The following CACNB4 variants were observed in gnomAD, a reference collection of about 807,000 sequenced individuals.
The protein encoded by CACNB4 is voltage-dependent L-type calcium channel subunit beta-4.
Under a neutral mutation model 71.2 loss-of-function variants are expected in CACNB4, and 32 were observed. That is an observed-to-expected ratio of 0.45 (90% confidence interval 0.34 to 0.60). The LOEUF is 0.60. Ranked by LOEUF, CACNB4 falls within the 20% of genes least tolerant of loss-of-function variation. The pLI is 0.01. For synonymous variants in CACNB4, 231 were observed against 236.9 expected (o/e 0.97, Z 0.23); for missense variants, 464 against 647.9 (o/e 0.72, Z 3.08).
At chr2:151,900,341 T>G (rs565312458) in intron 2 of CACNB4, among the ~76,000 whole-genome samples, 169 of 152,224 alleles carry the variant, frequency 1.1e-3, no homozygotes, top group Non-Finnish European at 2.1e-3. Context: ...CAGAGGTCAG[T>G]CTGAGGTGAT....
chr2:151,864,420 A>G (rs1015837275), intron 9 of CACNB4, among the ~76,000 whole-genome samples: 2 of 152,206 alleles, frequency 1.3e-5, no homozygotes, highest in Admixed American at 1.3e-4. Flanking sequence ...GAAAGATATT[A>G]CTTTCAGTTA....
At chr2:151,985,147 A>G (rs1490198770) in intron 2 of CACNB4, among the ~76,000 whole-genome samples, 1 of 152,206 alleles carries the variant, frequency 6.6e-6, no homozygotes, top group African/African-American at 2.4e-5. Flanking sequence ...GTAAGAAGAC[A>G]AGAATTAAAA....
chr2:151,943,295 G>T (rs1439592205), intron 2 of CACNB4, among the ~76,000 whole-genome samples: 1 of 152,176 alleles, frequency 6.6e-6, no homozygotes. Context: ...TCCCCCAATA[G>T]TGCTGCTGGT....
intron 2 of CACNB4, among the ~76,000 whole-genome samples, chr2:152,087,663 AT>A (rs1687736873): frequency 6.6e-6 from 1 of 152,040 alleles, no homozygotes; most frequent in Admixed American, 6.6e-5. Flanking sequence ...TGTGAACAAT[AT>A]GTTAATGAAA....
chr2:152,043,054 C>A (rs1684960061), intron 2 of CACNB4, among the ~76,000 whole-genome samples: 1 of 152,142 alleles, frequency 6.6e-6, no homozygotes, highest in African/African-American at 2.4e-5. Flanking sequence ...GGAAGTTACC[C>A]TGTATGGTCT....
intron 2 of CACNB4, among the ~76,000 whole-genome samples, chr2:151,913,144 TG>T (rs1251204150): frequency 2.0e-5 from 3 of 152,352 alleles, no homozygotes; most frequent in Middle Eastern, 3.4e-3. Context: ...GTCTTTTAAT[TG>T]GGGCATTTAG....
chr2:152,010,058 G>C (rs191287683), intron 2 of CACNB4, among the ~76,000 whole-genome samples: 92 of 152,338 alleles, frequency 6.0e-4, no homozygotes, highest in African/African-American at 1.5e-3. Context: ...AGGGAGCTAA[G>C]TTTTATTGGG....
At chr2:151,858,137 G>C (rs1182856574) in intron 10 of CACNB4, 1 of 152,158 alleles carries the variant, frequency 6.6e-6, no homozygotes, top group Non-Finnish European at 1.5e-5. Flanking sequence ...GATTCTCAGA[G>C]GGGTTCCAAA....
intron 2 of CACNB4, among the ~76,000 whole-genome samples, chr2:151,921,467 C>T (rs1173259938): frequency 6.6e-6 from 1 of 152,182 alleles, no homozygotes; most frequent in African/African-American, 2.4e-5. Flanking sequence ...TAAGCCAACA[C>T]AAGTTTAATA....
intron 2 of CACNB4, chr2:151,973,870 C>A (rs2099873268): frequency 6.8e-7 from 1 of 1,465,324 alleles, no homozygotes; most frequent in South Asian, 1.4e-5. Flanking sequence ...TCATTCACAT[C>A]CCACAGGGTG....
chr2:151,857,414 TA>T (rs1425468093), intron 10 of CACNB4: 2 of 152,248 alleles, frequency 1.3e-5, no homozygotes, highest in Non-Finnish European at 2.9e-5. Flanking sequence ...CAAGTGGGCT[TA>T]TTTGTCAAAT....
At chr2:151,925,513 C>G (rs1221610569) in intron 2 of CACNB4, among the ~76,000 whole-genome samples, 2 of 152,186 alleles carry the variant, frequency 1.3e-5, no homozygotes, top group Non-Finnish European at 2.9e-5. Flanking sequence ...CCATAAGTCA[C>G]TTATAGGAAA....
chr2:152,021,869 C>T (rs1683686163), intron 2 of CACNB4, among the ~76,000 whole-genome samples: 1 of 152,198 alleles, frequency 6.6e-6, no homozygotes, highest in African/African-American at 2.4e-5. Context: ...ATTCTTTTAT[C>T]TTGCTGAACA....
chr2:151,879,870 T>C (rs1314435542), intron 4 of CACNB4: 1 of 152,212 alleles, frequency 6.6e-6, no homozygotes, highest in Admixed American at 6.5e-5. Context: ...GGAATGTTGG[T>C]GTGAGTGAGT....
intron 2 of CACNB4, among the ~76,000 whole-genome samples, chr2:151,989,271 C>T (rs992379829): frequency 9.9e-5 from 15 of 152,238 alleles, no homozygotes; most frequent in African/African-American, 3.6e-4. Flanking sequence ...CAGCTATCAA[C>T]TTACTTCTAT....
intron 2 of CACNB4, among the ~76,000 whole-genome samples, chr2:152,062,915 G>A (rs940017297): frequency 1.3e-5 from 2 of 152,136 alleles, no homozygotes; most frequent in African/African-American, 4.8e-5. Flanking sequence ...ATCAACTTTT[G>A]GACAAGAAAA....
chr2:151,863,793 C>T (rs903166897), intron 9 of CACNB4, among the ~76,000 whole-genome samples: 13 of 152,008 alleles, frequency 8.6e-5, no homozygotes, highest in African/African-American at 1.9e-4. Flanking sequence ...ATAAAGGGCA[C>T]GTTTTCTCAT....
chr2:151,934,208 T>C (rs1210532173), intron 2 of CACNB4, among the ~76,000 whole-genome samples: 1 of 152,244 alleles, frequency 6.6e-6, no homozygotes, highest in Non-Finnish European at 1.5e-5. Flanking sequence ...ACCAAGACTA[T>C]TCTGCTCTCT....
At chr2:152,090,904 G>A (rs1687933223) in intron 2 of CACNB4, among the ~76,000 whole-genome samples, 2 of 151,506 alleles carry the variant, frequency 1.3e-5, no homozygotes, top group Admixed American at 1.3e-4. Context: ...AAGTTAGCCA[G>A]GCATGTTGGC....
Sources: allele counts gnomAD v4.1 joint callset (sites outside exome capture counted in the v4.1 genomes callset), GRCh38; gene constraint gnomAD v4.1.1; transcripts MANE v1.5; gene names NCBI Gene and HGNC (gene_info 2026-07-23, HGNC 2026-07-21).